Variants in FRAS1 observed in about 807,000 individuals in gnomAD.
FRAS1 encodes Fraser extracellular matrix complex subunit 1, also known as extracellular matrix organizing protein FRAS1.
In FRAS1, 290 loss-of-function variants were observed where a neutral mutation model predicts 435.2. The ratio of observed to expected loss-of-function variants is 0.67; its 90% CI spans 0.61 to 0.73. The LOEUF (loss-of-function observed/expected upper bound fraction) is 0.73. Among genes scored for constraint, FRAS1 ranks in the 30% least tolerant of loss-of-function variants. FRAS1 has a pLI of 0.00. For synonymous variants in FRAS1, 1,800 were observed against 1,851.0 expected (o/e 0.97, Z 0.71); for missense variants, 4,860 against 5,001.5 (o/e 0.97, Z 0.85).
At chr4:78,339,921 A>G (rs1730335148) in intron 20 of FRAS1, among the ~76,000 whole-genome samples, 1 of 152,238 alleles carries the variant, frequency 6.6e-6, no homozygotes, top group Admixed American at 6.5e-5. Flanking sequence ...GAGAAGAGTT[A>G]GAAGGTAGGA....
At chr4:78,369,812 G>T in intron 22 of FRAS1, 26 bp from the exon 23 acceptor site, 2 of 1,598,172 alleles carry the variant, frequency 1.3e-6, no homozygotes, top group Non-Finnish European at 1.7e-6. Context: ...TAATCATCTG[G>T]TCATTTTCTT....
At chr4:78,225,841 G>A (rs1724246804) in intron 2 of FRAS1, among the ~76,000 whole-genome samples, 1 of 152,122 alleles carries the variant, frequency 6.6e-6, no homozygotes, top group Non-Finnish European at 1.5e-5. Flanking sequence ...TGGATCCACT[G>A]CTTTGCCTTT....
At chr4:78,516,068 T>G in intron 66 of FRAS1, 55 bp downstream of exon 66, 2 of 1,401,926 alleles carry the variant, frequency 1.4e-6, no homozygotes, top group Non-Finnish European at 9.8e-7. Context: ...ATGGTCAACC[T>G]TGTTTGTTCC....
At chr4:78,510,392 G>C (rs1720994749) in intron 63 of FRAS1, among the ~76,000 whole-genome samples, 1 of 151,902 alleles carries the variant, frequency 6.6e-6, no homozygotes, top group Non-Finnish European at 1.5e-5. Context: ...AATCCCTTCT[G>C]TACTAAGTTC....
At chr4:78,366,618 T>C (rs1454716691) in intron 22 of FRAS1, among the ~76,000 whole-genome samples, 3 of 152,170 alleles carry the variant, frequency 2.0e-5, no homozygotes, top group African/African-American at 4.8e-5. Flanking sequence ...ACCCCCACAC[T>C]GTGAGGTCCC....
Position 78,397,184 on chromosome 4 carries a change from G to C in FRAS1, c.3976-3550G>C, listed in dbSNP as rs565447322. Among the ~76,000 whole-genome samples, 6 of 152,248 alleles carry C rather than the reference G, an allele frequency of 3.9e-5. No individual in the cohort carries two copies. The South Asian group carries it at 1.2e-3, about 32-fold the overall frequency. The stretch of plus-strand genomic sequence containing the variant: ...TACCTACTCCAGCCTTTATTGCCTG[G>C]CTTCAGGAGAGAAAGACCTTTACTA... On this transcript the variant is annotated intron_variant, in intron 29 of 73. Transcript: ENST00000512123.
At chr4:78,127,217 C>A (rs937515468) in intron 2 of FRAS1, among the ~76,000 whole-genome samples, 1 of 151,922 alleles carries the variant, frequency 6.6e-6, no homozygotes, top group Non-Finnish European at 1.5e-5. Flanking sequence ...ATTGGAGGAA[C>A]TGGAAGGATT....
rs931650399 is a variant in FRAS1 at position 78,468,167 on chromosome 4, GTT to G, written c.7257+1735_7257+1736del. 6.6e-5 allele frequency among the ~76,000 whole-genome samples: 10 copies of G among 152,198 alleles called. 1 individual carries two copies. Among genetic ancestry groups the G allele is most frequent in the East Asian group, 3.9e-4 (2 of 5,182 alleles). On this transcript the variant is annotated intron_variant, in intron 50 of 73. Transcript: ENST00000512123. ...TTTGCTCACACTGATGTCCTAGAGA[GTT>G]TTCTTAATGCTTTCTTGTAGTAGTT...
At chr4:78,444,745 T>A (rs935525820) in intron 41 of FRAS1, among the ~76,000 whole-genome samples, 6 of 152,132 alleles carry the variant, frequency 3.9e-5, no homozygotes, top group African/African-American at 7.2e-5. Flanking sequence ...GTGTTTGGGG[T>A]TGGGATGAGA....
At chr4:78,498,304 C>T (rs892052677) in intron 60 of FRAS1, among the ~76,000 whole-genome samples, 8 of 152,094 alleles carry the variant, frequency 5.3e-5, no homozygotes, top group Non-Finnish European at 8.8e-5. Context: ...GTTGGGAGTT[C>T]AAGACCAGCC....
intron 2 of FRAS1, among the ~76,000 whole-genome samples, chr4:78,134,913 CCTGACTAAGCT>C (rs1230635605): frequency 6.6e-6 from 1 of 152,010 alleles, no homozygotes; most frequent in Non-Finnish European, 1.5e-5. Flanking sequence ...AACCCTCATG[CCTGACTAAGCT>C]CAGAAGTCTA....
At chr4:78,177,087 GTTT>G (rs35373726) in intron 2 of FRAS1, among the ~76,000 whole-genome samples, 4 of 133,298 alleles carry the variant, frequency 3.0e-5, no homozygotes, top group African/African-American at 2.7e-5. Context: ...AGTGATGTGA[GTTT>G]TTTTTTTTTT....
intron 2 of FRAS1, among the ~76,000 whole-genome samples, chr4:78,180,680 A>G (rs187721766): frequency 1.9e-3 from 289 of 152,298 alleles, no homozygotes; most frequent in Non-Finnish European, 3.4e-3. Context: ...ACTGACTACC[A>G]TATTTGTTAC....
At chr4:78,266,677 A>G (rs1327634889) in intron 7 of FRAS1, among the ~76,000 whole-genome samples, 157 bp from the exon 8 acceptor site, 1 of 152,268 alleles carries the variant, frequency 6.6e-6, no homozygotes, top group African/African-American at 2.4e-5. Context: ...GTTTTCATAG[A>G]GGCTATTCCT....
chr4:78,297,395 C>T (rs199811087), intron 14 of FRAS1, among the ~76,000 whole-genome samples: 4 of 152,280 alleles, frequency 2.6e-5, no homozygotes, highest in East Asian at 1.9e-4. Flanking sequence ...GGTGCTTACA[C>T]GAAGTGCTTT....
chr4:78,065,081 T>TATATATATACACACAC lies in FRAS1; in HGVS notation c.77-901_77-900insTATATACACACACATA, dbSNP rs762909923. 2.0e-3 allele frequency among the ~76,000 whole-genome samples: 249 copies of TATATATATACACACAC among 125,672 alleles called. 5 individuals carry two copies. Among genetic ancestry groups the TATATATATACACACAC allele is most frequent in the Middle Eastern group, 8.7e-3 (2 of 230 alleles). The allele number at this position is 125,672 out of a possible 152,430, so 82.4% of individuals were successfully genotyped here. On this transcript the variant is annotated intron_variant, in intron 1 of 73. Coordinates refer to ENST00000512123, the MANE Select transcript of FRAS1 (RefSeq NM_025074.7). Reference sequence around the variant, plus strand: ...GTGTATATATATATATATATATATATATACATACACACACACACACTAAAT... The same window carrying TATATATATACACACAC: ...GTGTATATATATATATATATATATATATATATATACACACACATACATACACACACACACACTAAAT...
chr4:78,452,300 T>A lies in FRAS1; in HGVS notation c.6709T>A (p.Tyr2237Asn). ...DQDSGPTELI[Y>N]RITRQPQLGH... is the part of the protein sequence containing the mutation. ...GGACAGTGGGCCTACAGAATTGATCTACAGAATCACCAGACAGCCCCAGCT... is the reference window on the plus strand; with the variant it reads ...GGACAGTGGGCCTACAGAATTGATCAACAGAATCACCAGACAGCCCCAGCT... Residue 2237 changes from tyrosine (Y) to asparagine (N), a missense_variant, in exon 47 of 74, where the codon TAC becomes AAC. Coordinates refer to ENST00000512123, the MANE Select transcript of FRAS1 (RefSeq NM_025074.7). 1 of 1,612,592 alleles carries A rather than the reference T, an allele frequency of 6.2e-7. No individual in the cohort carries two copies. The highest frequency in any genetic ancestry group is 8.5e-7 in the Non-Finnish European group (1 of 1,179,530).
intron 2 of FRAS1, among the ~76,000 whole-genome samples, chr4:78,200,474 T>C (rs1723003457): frequency 6.6e-6 from 1 of 152,190 alleles, no homozygotes; most frequent in Non-Finnish European, 1.5e-5. Flanking sequence ...CAAGCTTGAG[T>C]GAAGAAAGGA....
intron 1 of FRAS1, among the ~76,000 whole-genome samples, chr4:78,061,256 G>A (rs977262557): frequency 1.3e-5 from 2 of 152,260 alleles, no homozygotes; most frequent in South Asian, 2.1e-4. Context: ...AAGTATTAAT[G>A]CTATGACTTG....
Sources: gnomAD v4.1 joint callset for allele counts (sites outside exome capture counted in the v4.1 genomes callset) on GRCh38, gnomAD v4.1.1 for gene constraint, MANE v1.5 for transcripts, NCBI Gene and HGNC (gene_info 2026-07-23, HGNC 2026-07-21) for gene names.